AUTS2: variants seen among roughly 807,000 people sequenced by gnomAD.
AUTS2 encodes activator of transcription and developmental regulator AUTS2.
A neutral mutation model predicts 112.4 loss-of-function variants in AUTS2; 17 were observed. That is an observed-to-expected ratio of 0.15 (90% CI 0.10 to 0.23). AUTS2 has a LOEUF of 0.23. AUTS2 is among the 10% of genes least tolerant of loss of function. AUTS2 has a pLI of 1.00. For missense variants in AUTS2, 1,510 were observed against 1,701.6 expected, an observed-to-expected ratio of 0.89 and a Z score of 1.98; for synonymous variants, 751 against 702.7, an observed-to-expected ratio of 1.07 and a Z score of -1.09.
At chr7:69,827,345 C>T (rs943284313) in intron 1 of AUTS2, among the ~76,000 whole-genome samples, 2 of 152,106 alleles carry the variant, frequency 1.3e-5, no homozygotes, top group African/African-American at 4.8e-5. Context: ...TTTTTGTACT[C>T]AAGAGCTCCC....
rs151282394 is a variant in AUTS2, at chr7:70,471,048, T to C, written c.690+35267T>C. Among the ~76,000 whole-genome samples the C allele has an allele frequency of 5.0e-3, 767 of 152,264 alleles. 1 individual carries two copies. Among genetic ancestry groups the C allele is most frequent in the African/African-American group, 0.018 (738 of 41,564 alleles). ...GCCAAGCGAGCCGGGCTCTTCCCCC[T>C]GGGACAGTTAGAGTTATGCAGAGCT... On this transcript the variant is annotated intron_variant, in intron 5 of 18. Coordinates refer to ENST00000342771, the MANE Select transcript of AUTS2 (RefSeq NM_015570.4).
chr7:70,164,619 A>T (rs1191039535), intron 4 of AUTS2, among the ~76,000 whole-genome samples: 1 of 152,212 alleles, frequency 6.6e-6, no homozygotes, highest in Non-Finnish European at 1.5e-5. Context: ...ACTATGTCAC[A>T]GCAGTCTATC....
intron 16 of AUTS2, among the ~76,000 whole-genome samples, chr7:70,785,710 G>C (rs1791409404): frequency 6.6e-6 from 1 of 152,182 alleles, no homozygotes; most frequent in South Asian, 2.1e-4. Flanking sequence ...GTCCCCACTG[G>C]GCAAAGGAAG....
chr7:70,096,174 A>G (rs1487891770), intron 2 of AUTS2, among the ~76,000 whole-genome samples: 1 of 152,198 alleles, frequency 6.6e-6, no homozygotes, highest in Non-Finnish European at 1.5e-5. Context: ...GGAATTGTGT[A>G]TTTGAAAACA....
At chr7:69,810,421 T>A (rs1272997962) in intron 1 of AUTS2, among the ~76,000 whole-genome samples, 1 of 152,046 alleles carries the variant, frequency 6.6e-6, no homozygotes, top group Non-Finnish European at 1.5e-5. Context: ...GAGTAAATAT[T>A]GCTATTGCTA....
intron 2 of AUTS2, among the ~76,000 whole-genome samples, chr7:69,972,990 C>G (rs1370152732): frequency 1.3e-5 from 2 of 151,766 alleles, no homozygotes; most frequent in African/African-American, 4.8e-5. Context: ...AAAATCTTTC[C>G]GGTGTTTTGA....
At chr7:70,075,998 A>G (rs1340291667) in intron 2 of AUTS2, among the ~76,000 whole-genome samples, 2 of 152,220 alleles carry the variant, frequency 1.3e-5, no homozygotes, top group African/African-American at 4.8e-5. Context: ...GCAGCCACAT[A>G]GGCAGTATGT....
intron 2 of AUTS2, among the ~76,000 whole-genome samples, chr7:70,036,651 C>G (rs945268705): frequency 7.9e-5 from 12 of 152,150 alleles, no homozygotes; most frequent in African/African-American, 2.9e-4. Context: ...AACAGCTATC[C>G]AGAGACCTTC....
At chr7:69,913,276 C>G (rs899786819) in intron 2 of AUTS2, among the ~76,000 whole-genome samples, 8 of 152,070 alleles carry the variant, frequency 5.3e-5, no homozygotes, top group African/African-American at 1.9e-4. Context: ...CTCTTATGAT[C>G]CTTTGTTTAT....
chr7:70,575,495 G>C (rs142379313), intron 5 of AUTS2, among the ~76,000 whole-genome samples: 2 of 152,310 alleles, frequency 1.3e-5, no homozygotes, highest in East Asian at 3.9e-4. Context: ...CTAGCTAATG[G>C]GAATGACAGG....
intron 5 of AUTS2, among the ~76,000 whole-genome samples, chr7:70,629,601 G>GT (rs1805151508): frequency 6.6e-6 from 1 of 152,166 alleles, no homozygotes; most frequent in African/African-American, 2.4e-5. Context: ...AATAGAGGCA[G>GT]GCGCGTCTCA....
In AUTS2 at chr7:70,233,766, A is replaced by G. The variant is rs138362059; in HGVS notation, c.660+99195A>G. On this transcript the variant is annotated intron_variant, in intron 4 of 18. Transcript: ENST00000342771. ...TTTAGACTATGGAGAGAAGACCATA[A>G]GAATCACCAAAGCGGAATTTCCCAT... Among the ~76,000 whole-genome samples the G allele has an allele frequency of 2.2e-3, 341 of 152,360 alleles. 1 individual carries two copies. The highest frequency in any genetic ancestry group is 7.8e-3 in the African/African-American group (326 of 41,590).
intron 1 of AUTS2, among the ~76,000 whole-genome samples, chr7:69,863,918 C>T (rs1793103743): frequency 6.6e-6 from 1 of 152,186 alleles, no homozygotes; most frequent in Admixed American, 6.5e-5. Flanking sequence ...GCGTTTCATT[C>T]CCTGCTCTGA....
chr7:69,760,374 A>T (rs1788134238), intron 1 of AUTS2, among the ~76,000 whole-genome samples: 1 of 151,640 alleles, frequency 6.6e-6, no homozygotes, highest in Non-Finnish European at 1.5e-5. Context: ...GATTTTTTTC[A>T]TAGTAAGAAA....
chr7:70,397,599 A>T (rs1357215451), intron 4 of AUTS2, among the ~76,000 whole-genome samples: 1 of 151,950 alleles, frequency 6.6e-6, no homozygotes, highest in Non-Finnish European at 1.5e-5. Flanking sequence ...ATAATCTAAA[A>T]TAAAAATAAA....
chr7:69,805,693 G>T (rs1011912714), intron 1 of AUTS2, among the ~76,000 whole-genome samples: 1 of 152,154 alleles, frequency 6.6e-6, no homozygotes, highest in African/African-American at 2.4e-5. Context: ...AAATTATGCA[G>T]TATCAAGGAA....
At chr7:70,265,409 A>C (rs1169254103) in intron 4 of AUTS2, among the ~76,000 whole-genome samples, 1 of 152,104 alleles carries the variant, frequency 6.6e-6, no homozygotes, top group Non-Finnish European at 1.5e-5. Context: ...CTAACTGGCT[A>C]TTTGCTTAAT....
chr7:70,619,800 C>G lies in AUTS2; in HGVS notation c.691-78769C>G, dbSNP rs181282424. ...CTCTGTCAGCATTTCAGATGCACCCCCATGCTATCACTGTCTCCCTGGCCC... is the reference window on the plus strand; with the variant it reads ...CTCTGTCAGCATTTCAGATGCACCCGCATGCTATCACTGTCTCCCTGGCCC... On this transcript the variant is annotated intron_variant, in intron 5 of 18. Transcript: ENST00000342771. 2.2e-4 allele frequency among the ~76,000 whole-genome samples: 34 copies of G among 152,222 alleles called. No homozygotes were observed. In the East Asian group the frequency reaches 5.0e-3, roughly 22 times the overall value.
chr7:70,638,729 A>T (rs1044614266), intron 5 of AUTS2, among the ~76,000 whole-genome samples: 3 of 152,218 alleles, frequency 2.0e-5, no homozygotes, highest in Non-Finnish European at 4.4e-5. Flanking sequence ...TAAGAGCTGC[A>T]TGTAAGATGG....
Sources: allele counts gnomAD v4.1 joint callset (sites outside exome capture counted in the v4.1 genomes callset), GRCh38; gene constraint gnomAD v4.1.1; transcripts MANE v1.5; gene names NCBI Gene and HGNC (gene_info 2026-07-23, HGNC 2026-07-21).